Variants in BCAR3 observed in about 807,000 individuals in gnomAD.
BCAR3 encodes BCAR3 adaptor protein, NSP family member.
Under a neutral mutation model 80.1 loss-of-function variants are expected in BCAR3, and 37 were observed. The ratio of observed to expected loss-of-function variants is 0.46; its 90% CI spans 0.36 to 0.61. BCAR3 has a LOEUF of 0.61. BCAR3 is among the 20% of genes least tolerant of loss of function. The pLI is 0.00. For missense variants in BCAR3, 978 were observed against 1,068.2 expected (o/e 0.92, Z 1.18); for synonymous variants, 389 against 418.9 (o/e 0.93, Z 0.87).
At position 93,709,118 on chromosome 1, in the gene BCAR3, C is replaced by CA. The variant is rs367723178; in HGVS notation, c.-62-2977dup. Reference sequence around the variant, plus strand: ...GAGGGCCTGGGAGCCCCGATGAAGTCAGAGCTTTTCCCCTCCCAAGGGCAT... The same window carrying CA: ...GAGGGCCTGGGAGCCCCGATGAAGTCAAGAGCTTTTCCCCTCCCAAGGGCAT... On this transcript the variant is annotated intron_variant, in intron 2 of 13. Coordinates refer to the BCAR3 transcript ENST00000370244. Among the ~76,000 whole-genome samples, 463 of 152,286 alleles carry CA rather than the reference C, an allele frequency of 3.0e-3. 2 individuals carry two copies. Among genetic ancestry groups the CA allele is most frequent in the African/African-American group, 0.01 (426 of 41,554 alleles).
chr1:93,584,928 A>G (rs1673881466), intron 5 of BCAR3: 9 of 956,222 alleles, frequency 9.4e-6, no homozygotes, highest in Non-Finnish European at 1.1e-5. Context: ...TCCCATAAGC[A>G]TAAAACATTG....
chr1:93,699,055 C>T (rs1440437158), intron 3 of BCAR3, among the ~76,000 whole-genome samples: 1 of 152,200 alleles, frequency 6.6e-6, no homozygotes, highest in Non-Finnish European at 1.5e-5. Flanking sequence ...TTCTGAACCC[C>T]TGCTTTCTGC....
intron 2 of BCAR3, among the ~76,000 whole-genome samples, chr1:93,730,208 C>T (rs928795743): frequency 1.3e-5 from 2 of 152,112 alleles, no homozygotes; most frequent in Non-Finnish European, 2.9e-5. Context: ...CCCTCCCTGT[C>T]CCTCCCCCGC....
intron 2 of BCAR3, among the ~76,000 whole-genome samples, chr1:93,742,287 C>T (rs1161494839): frequency 6.6e-6 from 1 of 152,202 alleles, no homozygotes; most frequent in Non-Finnish European, 1.5e-5. Flanking sequence ...AAAGAGCTCT[C>T]TGGAGTGAGA....
At chr1:93,798,835 G>T (rs980130654) in intron 2 of BCAR3, among the ~76,000 whole-genome samples, 14 of 152,264 alleles carry the variant, frequency 9.2e-5, no homozygotes, top group Middle Eastern at 6.8e-3. Flanking sequence ...ATCAAAAGCT[G>T]TTCTATTAGT....
intron 2 of BCAR3, among the ~76,000 whole-genome samples, chr1:93,796,669 T>G (rs531844908): frequency 6.6e-6 from 1 of 152,330 alleles, no homozygotes; most frequent in East Asian, 1.9e-4. Context: ...TTCGGCCATC[T>G]TGGCTCCTCC....
At chr1:93,598,700 G>T (rs1246203797) in intron 3 of BCAR3, among the ~76,000 whole-genome samples, 3 of 152,170 alleles carry the variant, frequency 2.0e-5, no homozygotes, top group Non-Finnish European at 4.4e-5. Context: ...GGCAGCCGGG[G>T]CAAGTTACCC....
intron 2 of BCAR3, among the ~76,000 whole-genome samples, chr1:93,813,438 T>C (rs914239589): frequency 2.6e-5 from 4 of 152,182 alleles, no homozygotes; most frequent in Non-Finnish European, 4.4e-5. Context: ...TCCAAAGCTC[T>C]GAAAAACTAG....
intron 3 of BCAR3, among the ~76,000 whole-genome samples, chr1:93,629,373 T>A (rs1419411050): frequency 6.6e-6 from 1 of 152,248 alleles, no homozygotes; most frequent in Admixed American, 6.5e-5. Context: ...ACTTCTTGGT[T>A]ACCGGAGGTA....
intron 2 of BCAR3, among the ~76,000 whole-genome samples, chr1:93,787,497 TTGA>T (rs1436842437): frequency 6.6e-6 from 1 of 152,246 alleles, no homozygotes; most frequent in Non-Finnish European, 1.5e-5. Context: ...CCCAAAGGTT[TTGA>T]TAAGTTGTGT....
At position 93,691,335 on chromosome 1, in the gene BCAR3, G is replaced by A. The variant is rs1571048499; in HGVS notation, c.-12+14757C>T. 2.0e-5 allele frequency among the ~76,000 whole-genome samples: 3 copies of A among 152,334 alleles called. No individual in the cohort carries two copies. The East Asian group carries it at 5.8e-4, about 29-fold the overall frequency. On this transcript the variant is annotated intron_variant, in intron 3 of 13. Coordinates refer to the BCAR3 transcript ENST00000370244. ...CTTCACAGGCTGCTGTTGCTGAGTGGGAAAAATGGTCTCCCCTGCACTTCA... is the reference window on the plus strand; with the variant it reads ...CTTCACAGGCTGCTGTTGCTGAGTGAGAAAAATGGTCTCCCCTGCACTTCA...
intron 2 of BCAR3, among the ~76,000 whole-genome samples, chr1:93,653,749 G>C (rs900859348): frequency 3.3e-5 from 5 of 152,214 alleles, no homozygotes; most frequent in Non-Finnish European, 7.3e-5. Flanking sequence ...AGCTAGGTTT[G>C]GAGCACTCAG....
intron 2 of BCAR3, among the ~76,000 whole-genome samples, chr1:93,747,931 C>T (rs1453281134): frequency 1.3e-5 from 2 of 148,218 alleles, no homozygotes; most frequent in Admixed American, 6.6e-5. Flanking sequence ...CATTACCTGC[C>T]AGCAGTAATG....
intron 3 of BCAR3, among the ~76,000 whole-genome samples, chr1:93,593,728 AAACAAC>A (rs112457260): frequency 0.043 from 6,561 of 151,266 alleles, 224 homozygotes; most frequent in East Asian, 0.14. Context: ...CTTTTCCACC[AAACAAC>A]AACAACAACA....
intron 2 of BCAR3, among the ~76,000 whole-genome samples, chr1:93,712,100 A>G (rs1374806647): frequency 6.6e-5 from 10 of 152,320 alleles, no homozygotes; most frequent in East Asian, 3.9e-4. Flanking sequence ...TACAAACTGG[A>G]GGTGGCTACT....
intron 1 of BCAR3, chr1:93,845,854 G>A (rs1030760597): frequency 6.6e-6 from 1 of 152,110 alleles, no homozygotes; most frequent in Non-Finnish European, 1.5e-5. Context: ...GTGAGAACTG[G>A]GGTCCAGGGA....
intron 2 of BCAR3, among the ~76,000 whole-genome samples, chr1:93,785,990 A>G (rs1216524253): frequency 3.4e-5 from 4 of 116,192 alleles, no homozygotes; most frequent in African/African-American, 4.6e-5. Context: ...TCAGGAGATC[A>G]AGACCATCCT....
chr1:93,760,603 T>C (rs77691413), intron 2 of BCAR3, among the ~76,000 whole-genome samples: 12,909 of 121,146 alleles, frequency 0.11, 755 homozygotes, highest in East Asian at 0.2. Context: ...CTATATAAAT[T>C]AGCTTAAAAA....
At chr1:93,734,703 A>C (rs1342091613) in intron 2 of BCAR3, among the ~76,000 whole-genome samples, 1 of 152,164 alleles carries the variant, frequency 6.6e-6, no homozygotes, top group Non-Finnish European at 1.5e-5. Context: ...CACTCAAGGC[A>C]AATCAGGAAG....
Sources: allele counts gnomAD v4.1 joint callset (sites outside exome capture counted in the v4.1 genomes callset), GRCh38; gene constraint gnomAD v4.1.1; transcripts MANE v1.5; gene names NCBI Gene and HGNC (gene_info 2026-07-23, HGNC 2026-07-21).